SLC15A1: variants seen among roughly 807,000 people sequenced by gnomAD.
SLC15A1 encodes Caco-2 oligopeptide transporter.
Under a neutral mutation model 92.9 loss-of-function variants are expected in SLC15A1, and 83 were observed. The ratio of observed to expected loss-of-function variants is 0.89; its 90% CI spans 0.75 to 1.07. The LOEUF (loss-of-function observed/expected upper bound fraction) is 1.07, where lower values mean the gene tolerates loss of function less well. SLC15A1 is among the 50% of genes least tolerant of loss of function. SLC15A1 has a pLI of 0.00. For missense variants in SLC15A1, 857 were observed against 880.1 expected (o/e 0.97, Z 0.33); for synonymous variants, 322 against 318.2 (o/e 1.01, Z -0.13).
rs1462625004 is a variant in SLC15A1 at position 98,706,212 on chromosome 13, A to G, written c.1191T>C (p.Ile397=). The stretch of plus-strand genomic sequence containing the variant: ...TATTGTTTCCTATATTCAAAACTTT[A>G]ATTTGGACTTCGTTTCCTTTGGGGA... ...PVFPKGNEVQ[I]KVLNIGNNTM... Residue 397 remains isoleucine (I), a synonymous_variant, in exon 16 of 23, where the codon ATT becomes ATC. Transcript: ENST00000376503. 6.2e-7 allele frequency: 1 copy of G among 1,613,478 alleles called. No individual in the cohort carries two copies. The highest frequency in any genetic ancestry group is 8.5e-7 in the Non-Finnish European group (1 of 1,179,830).
chr13:98,716,350 G>A (rs1298604670), intron 8 of SLC15A1, among the ~76,000 whole-genome samples: 3 of 152,140 alleles, frequency 2.0e-5, no homozygotes, highest in Non-Finnish European at 4.4e-5. Flanking sequence ...GGCCAGGCGC[G>A]GTGGCTCAAG....
intron 1 of SLC15A1, among the ~76,000 whole-genome samples, chr13:98,744,489 G>A (rs1469708902): frequency 2.0e-5 from 3 of 151,920 alleles, no homozygotes; most frequent in South Asian, 2.1e-4. Flanking sequence ...GGTGGCTCAC[G>A]CCTGTAATCC....
At chr13:98,736,559 A>G (rs1206117681) in intron 1 of SLC15A1, among the ~76,000 whole-genome samples, 1 of 152,230 alleles carries the variant, frequency 6.6e-6, no homozygotes, top group Non-Finnish European at 1.5e-5. Context: ...CAGGTAACCA[A>G]CAGAATGGGA....
rs746257006 is a variant in SLC15A1, at chr13:98,701,079, C to T, written c.1466+1401G>A. Among the ~76,000 whole-genome samples, 22 of 152,146 alleles carry T rather than the reference C, an allele frequency of 1.4e-4. No individual in the cohort carries two copies. In the East Asian group the frequency reaches 2.7e-3, roughly 19 times the overall value. On this transcript the variant is annotated intron_variant, in intron 18 of 22. Transcript: ENST00000376503. ...ATAAAAGCAAATAAAAATAATGCTA[C>T]GATTTTGATAGGAATGGCAATAAAC...
At position 98,704,493 on chromosome 13, in the gene SLC15A1, T is replaced by A. The variant is rs543838690; in HGVS notation, c.1270-58A>T. The A allele has an allele frequency of 3.4e-5, 50 of 1,490,880 alleles. 1 individual carries two copies. In the South Asian group the frequency reaches 4.7e-4, roughly 14 times the overall value. 92.4% of individuals were successfully genotyped at this position (1,490,880 alleles called of 1,614,324 possible). On this transcript the variant is annotated intron_variant, in intron 16 of 22. Coordinates refer to ENST00000376503, the MANE Select transcript of SLC15A1 (RefSeq NM_005073.4). Reference sequence around the variant, plus strand: ...TCACAGAGTCTCGGCACTATGCAACTGAACGCTGGAAGAGCAGTTATCTGA... The same window carrying A: ...TCACAGAGTCTCGGCACTATGCAACAGAACGCTGGAAGAGCAGTTATCTGA...
intron 4 of SLC15A1, 87 bp downstream of exon 4, chr13:98,726,036 A>G (rs1355523044): frequency 1.9e-5 from 29 of 1,506,532 alleles, no homozygotes; most frequent in Middle Eastern, 2.3e-4. Context: ...TCTTTGATTC[A>G]TCATTCCCAG....
chr13:98,712,879 A>G lies in SLC15A1; in HGVS notation c.724-295T>C, dbSNP rs560235923. On this transcript the variant is annotated intron_variant, in intron 9 of 22. Transcript: ENST00000376503. Reference sequence around the variant, plus strand: ...TTGCAATTTAAGTTTTCTAGTAGCCAGCTTAAAAAGTGAAACAGGTGAAAT... The same window carrying G: ...TTGCAATTTAAGTTTTCTAGTAGCCGGCTTAAAAAGTGAAACAGGTGAAAT... 1.7e-3 allele frequency among the ~76,000 whole-genome samples: 260 copies of G among 152,364 alleles called. 1 individual carries two copies. The highest frequency in any genetic ancestry group is 2.5e-3 in the Admixed American group (39 of 15,302).
chr13:98,690,323 G>T (rs1391828505), intron 18 of SLC15A1, among the ~76,000 whole-genome samples: 1 of 152,160 alleles, frequency 6.6e-6, no homozygotes, highest in African/African-American at 2.4e-5. Flanking sequence ...CTTCTACTTG[G>T]TGTCATTTGA....
Position 98,711,926 on chromosome 13 carries a change from T to G in SLC15A1, c.828A>C (p.Gln276His). 6.2e-7 allele frequency: 1 copy of G among 1,612,542 alleles called. No homozygotes were observed. Among genetic ancestry groups the G allele is most frequent in the Non-Finnish European group, 8.5e-7 (1 of 1,179,836 alleles). Reference sequence around the variant, plus strand: ...ACATCACCCTCGTAACCATCTTAATTTGGGAGATGAGCCGCTCCTGTAGTT... The same window carrying G: ...ACATCACCCTCGTAACCATCTTAATGTGGGAGATGAGCCGCTCCTGTAGTT... ...KEKYDERLISQIKMVTRVMFL... is the reference protein window; with the variant it reads ...KEKYDERLISHIKMVTRVMFL... The change falls in exon 11 of 23, where the codon CAA becomes CAC. Residue 276 changes from glutamine (Q) to histidine (H), a missense_variant. Coordinates refer to ENST00000376503, the MANE Select transcript of SLC15A1 (RefSeq NM_005073.4).
chr13:98,727,350 T>A (rs1431979865), intron 1 of SLC15A1, among the ~76,000 whole-genome samples: 1 of 152,182 alleles, frequency 6.6e-6, no homozygotes, highest in Non-Finnish European at 1.5e-5. Context: ...CGATATTCCC[T>A]TCCCAAATCA....
chr13:98,752,500 G>T (rs1174831298), intron 1 of SLC15A1, 95 bp downstream of exon 1: 5 of 1,154,714 alleles, frequency 4.3e-6, no homozygotes, highest in Non-Finnish European at 5.5e-6. Flanking sequence ...TCCCGCCGCC[G>T]CGTACCCTTC....
At chr13:98,749,085 A>T (rs1180838305) in intron 1 of SLC15A1, among the ~76,000 whole-genome samples, 3 of 152,214 alleles carry the variant, frequency 2.0e-5, no homozygotes, top group African/African-American at 7.2e-5. Flanking sequence ...CATATGCCAA[A>T]GGCTTCCTTC....
At chr13:98,702,074 C>T (rs887627722) in intron 18 of SLC15A1, among the ~76,000 whole-genome samples, 9 of 152,168 alleles carry the variant, frequency 5.9e-5, no homozygotes, top group African/African-American at 1.7e-4. Flanking sequence ...AATAGAAGTG[C>T]GGAGAGTGGA....
chr13:98,726,611 T>C (rs2088304064), intron 2 of SLC15A1, 162 bp from the exon 3 acceptor site: 4 of 770,802 alleles, frequency 5.2e-6, no homozygotes, highest in Non-Finnish European at 9.1e-6. Flanking sequence ...TTCCCTACAC[T>C]AATCCTTCCA....
intron 1 of SLC15A1, among the ~76,000 whole-genome samples, chr13:98,735,110 T>A (rs1010162474): frequency 6.6e-6 from 1 of 152,124 alleles, no homozygotes. Flanking sequence ...GCAAACCGAA[T>A]CCAGCAGCAC....
intron 1 of SLC15A1, among the ~76,000 whole-genome samples, chr13:98,751,465 G>T (rs1375918805): frequency 6.6e-6 from 1 of 152,174 alleles, no homozygotes; most frequent in African/African-American, 2.4e-5. Flanking sequence ...GCACCTCCCA[G>T]CAAAGTTGCA....
Position 98,721,842 on chromosome 13 carries a change from C to A in SLC15A1, c.427G>T (p.Val143Leu). The change falls in exon 6 of 23, where the codon GTG becomes TTG. Residue 143 changes from valine (V) to leucine (L), a missense_variant. Transcript: ENST00000376503. Reference protein sequence around the residue: ...ALGTGGIKPCVSAFGGDQFEE... With the variant: ...ALGTGGIKPCLSAFGGDQFEE... ...AACTGATCTCCACCAAACGCAGACA[C>A]ACAGGGTTTGATTCCTCCAGTCCCG... 6.2e-7 allele frequency: 1 copy of A among 1,614,166 alleles called. No individual in the cohort carries two copies. Among genetic ancestry groups the A allele is most frequent in the Admixed American group, 1.7e-5 (1 of 60,022 alleles).
At chr13:98,695,193 C>T (rs545965441) in intron 18 of SLC15A1, among the ~76,000 whole-genome samples, 69 of 152,018 alleles carry the variant, frequency 4.5e-4, no homozygotes, top group Non-Finnish European at 7.8e-4. Context: ...CATATACATA[C>T]GGAACAATGT....
At chr13:98,745,246 A>C (rs191243827) in intron 1 of SLC15A1, among the ~76,000 whole-genome samples, 3,046 of 152,302 alleles carry the variant, frequency 0.02, 110 homozygotes, top group African/African-American at 0.069. Flanking sequence ...TGGGGGAAGG[A>C]ACTGGTCACC....
Sources: allele counts gnomAD v4.1 joint callset (sites outside exome capture counted in the v4.1 genomes callset), GRCh38; gene constraint gnomAD v4.1.1; transcripts MANE v1.5; gene names NCBI Gene and HGNC (gene_info 2026-07-23, HGNC 2026-07-21).